Variants in MYH15 observed in about 807,000 individuals in gnomAD.
MYH15 encodes the protein myosin heavy chain 15.
MYH15 carries 227 observed loss-of-function variants against 240.5 expected under a neutral mutation model. That is an observed-to-expected ratio of 0.94 (90% confidence interval 0.85 to 1.05). MYH15 has a LOEUF of 1.05. Among genes scored for constraint, MYH15 ranks in the 50% least tolerant of loss-of-function variants. MYH15 has a pLI of 0.00. For missense variants in MYH15, 2,217 were observed against 2,247.5 expected (o/e 0.99, Z 0.27); for synonymous variants, 785 against 796.7 (o/e 0.99, Z 0.25).
At chr3:108,506,581 A>G (rs2083477628) in intron 1 of MYH15, among the ~76,000 whole-genome samples, 1 of 152,108 alleles carries the variant, frequency 6.6e-6, no homozygotes, top group African/African-American at 2.4e-5. Context: ...AGTGATGATG[A>G]ATAAAAAATA....
chr3:108,529,290 A>G (rs750899936), exon 1 of MYH15: 1 of 1,588,634 alleles, frequency 6.3e-7, no homozygotes, highest in Admixed American at 1.7e-5. Context: ...GATGAGGTAA[A>G]TACAATTAAA....
the MYH15 span, among the ~76,000 whole-genome samples, chr3:108,541,563 A>C: frequency 3.9e-3 from 591 of 152,276 alleles, 2 homozygotes; most frequent in African/African-American, 0.013. Flanking sequence ...CATATATGGT[A>C]GCCATGAAAA....
chr3:108,408,412 C>G lies in MYH15; in HGVS notation c.4496-8G>C, dbSNP rs757190220. On this transcript the variant is annotated splice_polypyrimidine_tract_variant and splice_region_variant and intron_variant, in intron 31 of 40. Transcript: ENST00000693548. ...TCAGATTAGAAATCTCTTCTGGAGA[C>G]AGAGGTAAGAAAAACAAAGTTAGTG... 1 of 1,602,964 alleles carries G rather than the reference C, an allele frequency of 6.2e-7. No individual in the cohort carries two copies. Among genetic ancestry groups the G allele is most frequent in the African/African-American group, 1.3e-5 (1 of 74,310 alleles).
intron 1 of MYH15, among the ~76,000 whole-genome samples, chr3:108,517,408 C>A (rs1158313190): frequency 6.6e-6 from 1 of 152,174 alleles, no homozygotes; most frequent in Admixed American, 6.5e-5. Context: ...TCTCGGCTCA[C>A]CGCAACCTCT....
the MYH15 span, among the ~76,000 whole-genome samples, chr3:108,542,881 CTTTTTTTTTT>C: frequency 1.9e-3 from 255 of 133,210 alleles, 2 homozygotes; most frequent in Non-Finnish European, 1.8e-3. Context: ...GATCTCGTTC[CTTTTTTTTTT>C]TTTTTTTGAG....
At chr3:108,538,864 ACAT>A in the MYH15 span, among the ~76,000 whole-genome samples, 1 of 152,178 alleles carries the variant, frequency 6.6e-6, no homozygotes, top group Non-Finnish European at 1.5e-5. Context: ...CAAGGAAACC[ACAT>A]CCCGTGAGGG....
Position 108,381,288 on chromosome 3 carries a change from A to T in MYH15, c.*257T>A, listed in dbSNP as rs2082341383. The T allele has an allele frequency of 3.6e-6, 2 of 550,270 alleles. No individual in the cohort carries two copies. The highest frequency in any genetic ancestry group is 3.8e-5 in the African/African-American group (2 of 52,774). The allele number at this position is 550,270 out of a possible 1,614,324, so 34.1% of individuals were successfully genotyped here. A position where few individuals can be genotyped will look rare whatever the true frequency, so the allele number is the denominator to read the frequency against. ...TCATTTTTTAAACATCAGAATTGAA[A>T]AGGTTCTTCCATTTATTTAATCTGT... is the stretch of plus-strand genomic sequence containing the variant. On this transcript the variant is annotated 3_prime_UTR_variant, in exon 41 of 41. Coordinates refer to ENST00000693548, the MANE Select transcript of MYH15 (RefSeq NM_014981.3).
chr3:108,545,889 ACCAATCTC>A, the MYH15 span, among the ~76,000 whole-genome samples: 6 of 152,146 alleles, frequency 3.9e-5, no homozygotes, highest in Non-Finnish European at 8.8e-5. Context: ...ATACTGATTA[ACCAATCTC>A]CTATTACTGT....
rs186679676 is a variant in MYH15, at chr3:108,452,988, T to C, written c.2399+1018A>G. Among the ~76,000 whole-genome samples, 10 of 152,276 alleles carry C rather than the reference T, an allele frequency of 6.6e-5. No homozygotes were observed. The East Asian group carries it at 7.7e-4, about 12-fold the overall frequency. On this transcript the variant is annotated intron_variant, in intron 21 of 40. Transcript: ENST00000693548. ...AAATTAATAATAATAATGTTAAGAA[T>C]TGATATATCTTCATGATGGCTCCAT...
upstream of MYH15, among the ~76,000 whole-genome samples, chr3:108,532,547 T>G (rs138405967): frequency 1.3e-5 from 2 of 152,218 alleles, no homozygotes; most frequent in African/African-American, 4.8e-5. Context: ...TATTTCCATC[T>G]TGCTGACTGA....
chr3:108,411,129 G>A (rs1008842193), intron 30 of MYH15, among the ~76,000 whole-genome samples, 197 bp from the exon 31 acceptor site: 3 of 152,194 alleles, frequency 2.0e-5, no homozygotes, highest in Non-Finnish European at 2.9e-5. Flanking sequence ...TGCCTCCTGT[G>A]TGCATGGGGT....
chr3:108,449,351 A>G (rs998675175), intron 21 of MYH15, among the ~76,000 whole-genome samples: 1 of 152,094 alleles, frequency 6.6e-6, no homozygotes, highest in East Asian at 1.9e-4. Context: ...TACAAACTAT[A>G]GCAATCAAAA....
chr3:108,447,692 C>T (rs970063885), intron 21 of MYH15, among the ~76,000 whole-genome samples: 16 of 151,982 alleles, frequency 1.1e-4, no homozygotes, highest in African/African-American at 2.7e-4. Flanking sequence ...GGGAGTTTAT[C>T]GTCACTACTT....
At chr3:108,526,177 TAAAC>T in intron 1 of MYH15, among the ~76,000 whole-genome samples, 1 of 152,224 alleles carries the variant, frequency 6.6e-6, no homozygotes, top group East Asian at 1.9e-4. Context: ...GATGCTTCGA[TAAAC>T]AAACTCACCA....
At chr3:108,483,731 T>C (rs1338126242) in intron 11 of MYH15, among the ~76,000 whole-genome samples, 3 of 152,244 alleles carry the variant, frequency 2.0e-5, no homozygotes, top group Non-Finnish European at 2.9e-5. Flanking sequence ...GTGTGTTATA[T>C]GCATACACTG....
At chr3:108,492,377 A>G (rs954552917) in intron 9 of MYH15, 123 bp downstream of exon 9, 21 of 526,078 alleles carry the variant, frequency 4.0e-5, no homozygotes, top group Middle Eastern at 2.9e-4. Context: ...CTAAGTTTTA[A>G]GGATGAATAT....
At chr3:108,542,169 G>A in the MYH15 span, among the ~76,000 whole-genome samples, 1 of 151,996 alleles carries the variant, frequency 6.6e-6, no homozygotes, top group Non-Finnish European at 1.5e-5. Flanking sequence ...AGATAGTTCC[G>A]TGTGTCCATT....
At chr3:108,517,566 C>A (rs2083583765) in intron 1 of MYH15, among the ~76,000 whole-genome samples, 1 of 152,028 alleles carries the variant, frequency 6.6e-6, no homozygotes, top group Non-Finnish European at 1.5e-5. Flanking sequence ...CTCCTGACTT[C>A]AAGTGATCCA....
At chr3:108,476,346 A>C in intron 12 of MYH15, 51 bp downstream of exon 12, 2 of 1,144,102 alleles carry the variant, frequency 1.7e-6, no homozygotes, top group Non-Finnish European at 2.6e-6. Flanking sequence ...CAATATATAT[A>C]CAATTATTGG....
Sources: allele counts gnomAD v4.1 joint callset (sites outside exome capture counted in the v4.1 genomes callset), GRCh38; gene constraint gnomAD v4.1.1; transcripts MANE v1.5; gene names NCBI Gene and HGNC (gene_info 2026-07-23, HGNC 2026-07-21).